The following NCEH1 variants were observed in gnomAD, a reference collection of about 807,000 sequenced individuals.
The protein encoded by NCEH1 is neutral cholesterol ester hydrolase 1, also known as 2-acetyl MAGE hydrolase.
NCEH1 carries 9 observed loss-of-function variants against 25.4 expected under a neutral mutation model. That is an observed-to-expected ratio of 0.35 (90% CI 0.21 to 0.62). The LOEUF (loss-of-function observed/expected upper bound fraction) is 0.62. Among genes scored for constraint, NCEH1 ranks in the 20% least tolerant of loss-of-function variants. NCEH1 has a pLI of 0.72. For missense variants in NCEH1, 412 were observed against 501.1 expected, an observed-to-expected ratio of 0.82 and a Z score of 1.70; for synonymous variants, 200 against 199.8, an observed-to-expected ratio of 1.00 and a Z score of -0.01.
Position 172,698,135 on chromosome 3 carries a change from C to T in NCEH1, c.138+12712G>A, listed in dbSNP as rs1048404450. Among the ~76,000 whole-genome samples the T allele has an allele frequency of 5.9e-5, 9 of 152,154 alleles. No homozygotes were observed. In the South Asian group the frequency reaches 1.2e-3, roughly 21 times the overall value. On this transcript the variant is annotated intron_variant, in intron 1 of 4. Coordinates refer to ENST00000475381, the MANE Select transcript of NCEH1 (RefSeq NM_020792.6). ...GGGATTACAGGCACCCGCCACCATG[C>T]CCGGCTAATTTTTGTATTTTTAGTA...
chr3:172,699,535 C>T (rs1055444452), intron 1 of NCEH1, among the ~76,000 whole-genome samples: 4 of 152,160 alleles, frequency 2.6e-5, no homozygotes, highest in Admixed American at 2.0e-4. Context: ...GCCTGAGCAT[C>T]CGTCCAGGTT....
chr3:172,653,502 T>G (rs1218738877), intron 1 of NCEH1, among the ~76,000 whole-genome samples: 2 of 152,230 alleles, frequency 1.3e-5, no homozygotes, highest in South Asian at 2.1e-4. Flanking sequence ...TGCAAATGAA[T>G]AGCTGATGTT....
At chr3:172,676,026 T>C (rs1181664384) in intron 1 of NCEH1, among the ~76,000 whole-genome samples, 1 of 152,104 alleles carries the variant, frequency 6.6e-6, no homozygotes, top group Non-Finnish European at 1.5e-5. Context: ...TAAATCAACC[T>C]CAGGAGAAGG....
chr3:172,635,402 T>C (rs1716552861), intron 4 of NCEH1, among the ~76,000 whole-genome samples: 1 of 152,180 alleles, frequency 6.6e-6, no homozygotes, highest in Non-Finnish European at 1.5e-5. Context: ...AAGCTAGATA[T>C]AGTTTTCAAA....
chr3:172,671,287 G>A (rs1577073041), intron 1 of NCEH1, among the ~76,000 whole-genome samples: 2 of 152,204 alleles, frequency 1.3e-5, no homozygotes, highest in Non-Finnish European at 2.9e-5. Context: ...GGAAAGATCA[G>A]TTGGTATTTA....
At chr3:172,695,370 C>T (rs530142051) in intron 1 of NCEH1, among the ~76,000 whole-genome samples, 3 of 152,166 alleles carry the variant, frequency 2.0e-5, no homozygotes, top group African/African-American at 4.8e-5. Context: ...ACAGTTGACA[C>T]AAAATTCTAA....
intron 1 of NCEH1, among the ~76,000 whole-genome samples, chr3:172,679,616 T>C (rs1440480975): frequency 1.3e-5 from 2 of 151,776 alleles, no homozygotes; most frequent in East Asian, 1.9e-4. Context: ...TTTAGCCAGA[T>C]AGTAAGGGTA....
Position 172,645,651 on chromosome 3 carries a change from C to A in NCEH1, c.409G>T (p.Glu137Ter). The change falls in exon 3 of 5, where the codon GAA becomes TAA. Residue 137 changes from glutamate (E) to a stop codon, truncating the protein, a stop_gained. Transcript: ENST00000475381. LOFTEE classifies it high-confidence loss of function. Reference sequence around the variant, plus strand: ...ATGGAAACAATGACAGCATTCAATTCCTCAGCCATTGCTGTACACAGCTCA... The same window carrying A: ...ATGGAAACAATGACAGCATTCAATTACTCAGCCATTGCTGTACACAGCTCA... Reference protein sequence around the residue: ...YDELCTAMAEELNAVIVSIEY... With the variant: ...YDELCTAMAE 1 of 1,602,988 alleles carries A rather than the reference C, an allele frequency of 6.2e-7. No individual in the cohort carries two copies. Among genetic ancestry groups the A allele is most frequent in the Non-Finnish European group, 8.5e-7 (1 of 1,174,654 alleles).
chr3:172,680,063 A>G (rs1406467031), intron 1 of NCEH1, among the ~76,000 whole-genome samples: 1 of 152,152 alleles, frequency 6.6e-6, no homozygotes, highest in Non-Finnish European at 1.5e-5. Context: ...AATGCAAATT[A>G]TTGGGCCCTA....
intron 1 of NCEH1, among the ~76,000 whole-genome samples, chr3:172,674,497 C>A (rs1317757648): frequency 6.6e-6 from 1 of 151,200 alleles, no homozygotes; most frequent in African/African-American, 2.4e-5. Context: ...TCAGTCCCAC[C>A]TTTACCCCAA....
At chr3:172,646,065 A>G (rs1219019887) in intron 2 of NCEH1, among the ~76,000 whole-genome samples, 2 of 152,196 alleles carry the variant, frequency 1.3e-5, no homozygotes, top group African/African-American at 4.8e-5. Context: ...GAATCATGCA[A>G]TTTTAGGCTG....
At chr3:172,662,000 C>G (rs113751945) in intron 1 of NCEH1, among the ~76,000 whole-genome samples, 1,744 of 151,494 alleles carry the variant, frequency 0.012, 16 homozygotes, top group Non-Finnish European at 0.017. Flanking sequence ...ACTTCCAACA[C>G]TATGTTGAAT....
intron 3 of NCEH1, 133 bp downstream of exon 3, chr3:172,645,490 G>A (rs1717076289): frequency 1.8e-6 from 1 of 542,260 alleles, no homozygotes; most frequent in East Asian, 3.0e-5. Context: ...TGCTGAGTGT[G>A]ACTTTGGGCA....
chr3:172,639,328 G>C (rs1171416923), intron 3 of NCEH1, among the ~76,000 whole-genome samples: 2 of 150,286 alleles, frequency 1.3e-5, no homozygotes, highest in Non-Finnish European at 3.0e-5. Context: ...AGACTTTGTA[G>C]ACTGAAGAAT....
Position 172,710,906 on chromosome 3 carries a change from C to A in NCEH1, c.79G>T (p.Val27Leu). The change falls in exon 1 of 5, where the codon GTG becomes TTG. Residue 27 changes from valine (V) to leucine (L), a missense_variant. Physicochemically the swap from Val to Leu is conservative, Grantham distance 32. Coordinates refer to ENST00000475381, the MANE Select transcript of NCEH1 (RefSeq NM_020792.6). ...AGCATCAGCTTCCAGGGGTCGGACA[C>A]GGAGCCAGGCAGCGGGATGTAGACG... is the stretch of plus-strand genomic sequence containing the variant. ...YYVYIPLPGS[V>L]SDPWKLMLLD... The A allele has an allele frequency of 6.2e-7, 1 of 1,614,100 alleles. No individual in the cohort carries two copies. Among genetic ancestry groups the A allele is most frequent in the African/African-American group, 1.3e-5 (1 of 75,076 alleles).
At position 172,671,506 on chromosome 3, in the gene NCEH1, T is replaced by TACACACACACACAC. The variant is rs537504265; in HGVS notation, c.139-23406_139-23393dup. ...AACCGCTGCTACACACACATACACATACACACACACACACACACACACATA... is the reference window on the plus strand; with the variant it reads ...AACCGCTGCTACACACACATACACATACACACACACACACACACACACACACACACACACACATA... On this transcript the variant is annotated intron_variant, in intron 1 of 4. Coordinates refer to ENST00000475381, the MANE Select transcript of NCEH1 (RefSeq NM_020792.6). Among the ~76,000 whole-genome samples the TACACACACACACAC allele has an allele frequency of 8.7e-4, 124 of 143,242 alleles. 2 individuals carry two copies. Among genetic ancestry groups the TACACACACACACAC allele is most frequent in the African/African-American group, 3.0e-3 (108 of 36,336 alleles). The allele number at this position is 143,242 out of a possible 152,430, so 94.0% of individuals were successfully genotyped here.
In NCEH1 at chr3:172,650,540, T is replaced by C. The variant is rs568048076; in HGVS notation, c.139-2426A>G. Among the ~76,000 whole-genome samples, 356 of 151,142 alleles carry C rather than the reference T, an allele frequency of 2.4e-3. 1 individual carries two copies. The highest frequency in any genetic ancestry group is 8.3e-3 in the African/African-American group (340 of 41,196). On this transcript the variant is annotated intron_variant, in intron 1 of 4. Transcript: ENST00000475381. ...GGCGGGCGCCTGTAGTCCCAGCTAC[T>C]TGGGAGGCTGAGGCAGGAGAATGGC...
chr3:172,686,111 T>C (rs1712681647), intron 1 of NCEH1, among the ~76,000 whole-genome samples: 1 of 152,226 alleles, frequency 6.6e-6, no homozygotes, highest in African/African-American at 2.4e-5. Flanking sequence ...GAAATTTACT[T>C]AACTCTGCTT....
intron 1 of NCEH1, among the ~76,000 whole-genome samples, chr3:172,676,556 C>T (rs1712018373): frequency 6.9e-6 from 1 of 145,352 alleles, no homozygotes; most frequent in Non-Finnish European, 1.5e-5. Context: ...TCCAGCATCC[C>T]AATATAAGCA....
Sources: allele counts gnomAD v4.1 joint callset (sites outside exome capture counted in the v4.1 genomes callset), GRCh38; gene constraint gnomAD v4.1.1; transcripts MANE v1.5; gene names NCBI Gene and HGNC (gene_info 2026-07-23, HGNC 2026-07-21).